Variants in NTNG1 observed in about 807,000 individuals in gnomAD.
NTNG1 encodes netrin-G1.
Under a neutral mutation model 54.0 loss-of-function variants are expected in NTNG1, and 16 were observed. The ratio of observed to expected loss-of-function variants is 0.30; its 90% CI spans 0.20 to 0.45. The LOEUF (loss-of-function observed/expected upper bound fraction) is 0.45. Among genes scored for constraint, NTNG1 ranks in the 20% least tolerant of loss-of-function variants. The pLI, the probability that NTNG1 is intolerant of heterozygous loss-of-function variation, is 1.00. For missense variants in NTNG1, 530 were observed against 678.7 expected (o/e 0.78, Z 2.43); for synonymous variants, 255 against 263.1 (o/e 0.97, Z 0.30).
intron 2 of NTNG1, among the ~76,000 whole-genome samples, chr1:107,272,794 A>G (rs915407533): frequency 3.9e-5 from 6 of 152,214 alleles, no homozygotes; most frequent in African/African-American, 1.4e-4. Flanking sequence ...TAATGTATAC[A>G]TTTGGCCTTC....
At chr1:107,199,280 T>C (rs2101266229) in intron 2 of NTNG1, among the ~76,000 whole-genome samples, 1 of 62 alleles carries the variant, frequency 0.016, no homozygotes, top group African/African-American at 0.029. Flanking sequence ...TATTACTTCT[T>C]TTTTTTTTCT....
At chr1:107,286,101 G>T (rs1423055222) in intron 2 of NTNG1, among the ~76,000 whole-genome samples, 1 of 152,098 alleles carries the variant, frequency 6.6e-6, no homozygotes, top group Admixed American at 6.6e-5. Context: ...AAGGCTATGG[G>T]AGCTATTTCT....
At chr1:107,388,674 A>G (rs1672175653) in intron 3 of NTNG1, among the ~76,000 whole-genome samples, 1 of 152,230 alleles carries the variant, frequency 6.6e-6, no homozygotes, top group South Asian at 2.1e-4. Flanking sequence ...CTGGCCTTAC[A>G]GTAAGTAAGT....
At chr1:107,332,161 C>A (rs1327034912) in intron 3 of NTNG1, among the ~76,000 whole-genome samples, 1 of 152,036 alleles carries the variant, frequency 6.6e-6, no homozygotes, top group Non-Finnish European at 1.5e-5. Context: ...TATGCATAAG[C>A]AGCTCATTTT....
In NTNG1 at chr1:107,151,634, C is replaced by T. The variant is rs922736596; in HGVS notation, c.246+2795C>T. On this transcript the variant is annotated intron_variant, in intron 2 of 7. Coordinates refer to ENST00000370068, the MANE Select transcript of NTNG1 (RefSeq NM_001113226.3). ...GAGGGAACATGTGCTGAGAGAAATACCTATAATTCCCAGGGCCAATTTCTT... is the reference window on the plus strand; with the variant it reads ...GAGGGAACATGTGCTGAGAGAAATATCTATAATTCCCAGGGCCAATTTCTT... Among the ~76,000 whole-genome samples, 28 of 152,226 alleles carry T rather than the reference C, an allele frequency of 1.8e-4. 1 individual carries two copies. Among genetic ancestry groups the T allele is most frequent in the East Asian group, 1.9e-4 (1 of 5,184 alleles).
chr1:107,426,268 C>T (rs1056002675), intron 5 of NTNG1, among the ~76,000 whole-genome samples: 1 of 151,894 alleles, frequency 6.6e-6, no homozygotes, highest in African/African-American at 2.4e-5. Context: ...AAAAGAGTTT[C>T]TCCCAGGTTT....
At chr1:107,425,797 A>G (rs1355478437) in intron 5 of NTNG1, among the ~76,000 whole-genome samples, 3 of 152,088 alleles carry the variant, frequency 2.0e-5, no homozygotes, top group African/African-American at 7.2e-5. Context: ...ATTCCCACCA[A>G]CAGTATATGA....
intron 7 of NTNG1, among the ~76,000 whole-genome samples, chr1:107,441,757 G>A (rs1341477850): frequency 6.6e-6 from 1 of 152,060 alleles, no homozygotes; most frequent in Non-Finnish European, 1.5e-5. Context: ...TAATAATAAA[G>A]AATGTCAAAG....
At chr1:107,400,557 A>T (rs1426219510) in intron 4 of NTNG1, among the ~76,000 whole-genome samples, 2 of 152,138 alleles carry the variant, frequency 1.3e-5, no homozygotes, top group African/African-American at 2.4e-5. Flanking sequence ...CAAGATTTAA[A>T]CTTAGGTCTG....
At chr1:107,206,128 G>T (rs115737650) in intron 2 of NTNG1, among the ~76,000 whole-genome samples, 3 of 152,010 alleles carry the variant, frequency 2.0e-5, no homozygotes, top group Non-Finnish European at 2.9e-5. Flanking sequence ...CCTTGGAGAA[G>T]TCTAATTGCT....
intron 7 of NTNG1, among the ~76,000 whole-genome samples, chr1:107,461,645 T>TGAGTA (rs1558017145): frequency 6.6e-6 from 1 of 151,822 alleles, no homozygotes. Context: ...GCGATTCCCC[T>TGAGTA]GCCTCAGCCT....
At chr1:107,374,404 G>A (rs1388702470) in intron 3 of NTNG1, among the ~76,000 whole-genome samples, 3 of 151,960 alleles carry the variant, frequency 2.0e-5, no homozygotes, top group African/African-American at 4.8e-5. Flanking sequence ...GCAATTCACT[G>A]AAGCTTTTTG....
chr1:107,272,202 AATATT>A (rs1664191801), intron 2 of NTNG1, among the ~76,000 whole-genome samples: 1 of 152,118 alleles, frequency 6.6e-6, no homozygotes, highest in Admixed American at 6.5e-5. Context: ...GAATAATAAT[AATATT>A]ACTAATAATA....
chr1:107,434,293 A>G (rs1044754696), intron 6 of NTNG1, among the ~76,000 whole-genome samples: 1 of 152,204 alleles, frequency 6.6e-6, no homozygotes, highest in Non-Finnish European at 1.5e-5. Flanking sequence ...AGGCTATTCC[A>G]TGTTGCCACA....
At chr1:107,367,832 G>C (rs1416782958) in intron 3 of NTNG1, among the ~76,000 whole-genome samples, 1 of 152,032 alleles carries the variant, frequency 6.6e-6, no homozygotes, top group Non-Finnish European at 1.5e-5. Flanking sequence ...TGCGATCTCA[G>C]CTCACTGCAG....
intron 2 of NTNG1, among the ~76,000 whole-genome samples, chr1:107,240,468 T>C (rs933204576): frequency 2.0e-5 from 3 of 152,080 alleles, no homozygotes; most frequent in African/African-American, 7.2e-5. Context: ...TGTGGTGTAG[T>C]AGAGGGCAGA....
chr1:107,302,016 A>T (rs964994455), intron 2 of NTNG1, among the ~76,000 whole-genome samples: 2 of 152,138 alleles, frequency 1.3e-5, no homozygotes, highest in Non-Finnish European at 2.9e-5. Context: ...TCCCAGGAAG[A>T]TCCTGGTAAA....
intron 2 of NTNG1, among the ~76,000 whole-genome samples, chr1:107,301,684 T>G (rs1205835937): frequency 6.6e-6 from 1 of 152,216 alleles, no homozygotes; most frequent in Non-Finnish European, 1.5e-5. Context: ...CTTTGTTCCT[T>G]CTTCTTCATT....
intron 2 of NTNG1, among the ~76,000 whole-genome samples, chr1:107,164,311 T>TA (rs1294956006): frequency 1.3e-5 from 2 of 152,150 alleles, no homozygotes; most frequent in Non-Finnish European, 2.9e-5. Flanking sequence ...GCCTCACAAT[T>TA]ATAACTTGAT....
Sources: allele counts gnomAD v4.1 joint callset (sites outside exome capture counted in the v4.1 genomes callset), GRCh38; gene constraint gnomAD v4.1.1; transcripts MANE v1.5; gene names NCBI Gene and HGNC (gene_info 2026-07-23, HGNC 2026-07-21).